STK32B: variants seen among roughly 807,000 people sequenced by gnomAD.
STK32B encodes the protein serine/threonine-protein kinase 32B.
In STK32B, 43 loss-of-function variants were observed where a neutral mutation model predicts 52.6. The observed-to-expected ratio is 0.82, with a 90% confidence interval of 0.64 to 1.05. The LOEUF is 1.05. STK32B is among the 50% of genes least tolerant of loss of function. The probability of loss-of-function intolerance (pLI) is 0.00; values close to 1 mark genes in which losing one functional copy is unlikely to be tolerated. For missense variants in STK32B, 621 were observed against 534.6 expected (o/e 1.16, Z -1.59); for synonymous variants, 238 against 204.3 (o/e 1.17, Z -1.41).
chr4:5,361,322 T>C (rs1416678919), intron 4 of STK32B, among the ~76,000 whole-genome samples: 1 of 152,224 alleles, frequency 6.6e-6, no homozygotes, highest in Non-Finnish European at 1.5e-5. Context: ...TCAGTTCTTC[T>C]GGGTATATAT....
At chr4:5,311,621 G>C (rs1484843573) in intron 3 of STK32B, among the ~76,000 whole-genome samples, 2 of 152,050 alleles carry the variant, frequency 1.3e-5, no homozygotes, top group Non-Finnish European at 2.9e-5. Context: ...AGATTCTGCA[G>C]CCATTAAACA....
chr4:5,444,586 T>C (rs1357405239), intron 6 of STK32B, among the ~76,000 whole-genome samples: 1 of 152,360 alleles, frequency 6.6e-6, no homozygotes. Flanking sequence ...CTGGGAGCTG[T>C]TGACCGGAGC....
rs115357935 is a variant in STK32B, at chr4:5,489,096, C to T, written c.1107-9849C>T. On this transcript the variant is annotated intron_variant, in intron 11 of 11. Transcript: ENST00000282908. ...CGAGAACCAGTTTATAATTTGAAGTCGTAATTGAAAATGACCCAGACATTT... is the reference window on the plus strand; with the variant it reads ...CGAGAACCAGTTTATAATTTGAAGTTGTAATTGAAAATGACCCAGACATTT... Among the ~76,000 whole-genome samples the T allele has an allele frequency of 8.6e-3, 1,311 of 152,128 alleles. 20 individuals carry two copies. The highest frequency in any genetic ancestry group is 0.029 in the African/African-American group (1,224 of 41,510).
At chr4:5,114,214 A>G (rs1466298172) in intron 1 of STK32B, among the ~76,000 whole-genome samples, 1 of 151,570 alleles carries the variant, frequency 6.6e-6, no homozygotes, top group Non-Finnish European at 1.5e-5. Flanking sequence ...TGAACTTGCT[A>G]TTCCTTCTGC....
intron 2 of STK32B, among the ~76,000 whole-genome samples, chr4:5,142,505 A>G (rs6851523): frequency 0.066 from 10,009 of 152,240 alleles, 1,065 homozygotes; most frequent in African/African-American, 0.22. Context: ...TCAGAATCTC[A>G]TTCCTGAGTT....
At chr4:5,236,391 A>G (rs138513292) in intron 3 of STK32B, among the ~76,000 whole-genome samples, 124 of 152,248 alleles carry the variant, frequency 8.1e-4, no homozygotes, top group African/African-American at 2.9e-3. Context: ...TGCACTTATG[A>G]TAAGTGTACG....
chr4:5,272,610 C>A (rs1727519147), intron 3 of STK32B, among the ~76,000 whole-genome samples: 1 of 152,088 alleles, frequency 6.6e-6, no homozygotes, highest in African/African-American at 2.4e-5. Flanking sequence ...GCTACAGTAA[C>A]CAAAACAGCA....
chr4:5,422,234 G>A (rs1712703158), intron 6 of STK32B, among the ~76,000 whole-genome samples: 1 of 152,184 alleles, frequency 6.6e-6, no homozygotes, highest in Admixed American at 6.5e-5. Flanking sequence ...GGAGTTTAGT[G>A]GGGAAGGTGG....
Position 5,380,249 on chromosome 4 carries a change from G to T in STK32B, c.435-17958G>T, listed in dbSNP as rs1377956206. On this transcript the variant is annotated intron_variant, in intron 4 of 11. Transcript: ENST00000282908. This position sits in a 1 kb window ranked among gnomAD's most constrained non-coding sequence, Gnocchi z 4.3. ...ATGGAACTGAACATGCTATGTCAGA[G>T]CAACCCCATCCCCATGGCCACGCAC... Among the ~76,000 whole-genome samples, 1 of 152,072 alleles carries T rather than the reference G, an allele frequency of 6.6e-6. No individual in the cohort carries two copies. Among genetic ancestry groups the T allele is most frequent in the Non-Finnish European group, 1.5e-5 (1 of 68,022 alleles).
At chr4:5,157,002 AG>A (rs770186123) in intron 2 of STK32B, among the ~76,000 whole-genome samples, 16 of 152,254 alleles carry the variant, frequency 1.1e-4, no homozygotes, top group Non-Finnish European at 2.2e-4. Flanking sequence ...GAAAAAAAAA[AG>A]ATTTGATTAA....
chr4:5,168,323 A>G lies in STK32B; in HGVS notation c.133A>G (p.Thr45Ala), dbSNP rs770612287. ...GKVCIVQKRD[T>A]KKMYAMKYMN... Reference sequence around the variant, plus strand: ...GGTATGCATCGTGCAGAAGCGAGACACTAAGAAAATGTATGCAATGAAGTA... The same window carrying G: ...GGTATGCATCGTGCAGAAGCGAGACGCTAAGAAAATGTATGCAATGAAGTA... The change falls in exon 3 of 12, where the codon ACT becomes GCT. Residue 45 changes from threonine to alanine, a missense_variant. Physicochemically the swap from Thr to Ala is moderately conservative, Grantham distance 58. Transcript: ENST00000282908. 10 of 1,613,770 alleles carry G rather than the reference A, an allele frequency of 6.2e-6. No homozygotes were observed. The Admixed American group carries it at 1.3e-4, about 22-fold the overall frequency.
At chr4:5,317,045 A>G (rs1166149468) in intron 3 of STK32B, among the ~76,000 whole-genome samples, 2 of 45,620 alleles carry the variant, frequency 4.4e-5, no homozygotes, top group Non-Finnish European at 3.1e-5. Flanking sequence ...AATATATTAT[A>G]TATATAATAT....
chr4:5,394,155 A>G lies in STK32B; in HGVS notation c.435-4052A>G, dbSNP rs1000298141. Among the ~76,000 whole-genome samples, 3 of 152,158 alleles carry G rather than the reference A, an allele frequency of 2.0e-5. No individual in the cohort carries two copies. The highest frequency in any genetic ancestry group is 7.2e-5 in the African/African-American group (3 of 41,456). On this transcript the variant is annotated intron_variant, in intron 4 of 11. Transcript: ENST00000282908. This position sits in a 1 kb window ranked among gnomAD's most constrained non-coding sequence, Gnocchi z 4.2. ...CCATTTCTATGCTGTTTTTTAAAAT[A>G]TCCCAGCTGACATTTTATGCTTTGT... is the stretch of plus-strand genomic sequence containing the variant.
intron 1 of STK32B, among the ~76,000 whole-genome samples, chr4:5,068,748 A>C (rs1248476460): frequency 6.6e-6 from 1 of 152,168 alleles, no homozygotes; most frequent in Non-Finnish European, 1.5e-5. Flanking sequence ...TTGCAAGGAA[A>C]CTTTATATTT....
chr4:5,229,051 A>G (rs1724064943), intron 3 of STK32B, among the ~76,000 whole-genome samples: 1 of 152,182 alleles, frequency 6.6e-6, no homozygotes, highest in Non-Finnish European at 1.5e-5. Flanking sequence ...CAATATATAT[A>G]CCTTAATTAA....
chr4:5,188,849 A>ACT (rs1175033083), intron 3 of STK32B, among the ~76,000 whole-genome samples: 1 of 126,864 alleles, frequency 7.9e-6, no homozygotes, highest in Non-Finnish European at 1.6e-5. Context: ...AACATCACAC[A>ACT]CTGGGGCCTG....
chr4:5,449,203 C>T (rs1715751652), intron 7 of STK32B, among the ~76,000 whole-genome samples: 3 of 152,118 alleles, frequency 2.0e-5, no homozygotes, highest in Non-Finnish European at 2.9e-5. Context: ...ATTATCCTGG[C>T]ATGGTGGCGG....
chr4:5,138,822 G>A (rs1398435035), intron 1 of STK32B, among the ~76,000 whole-genome samples: 1 of 152,198 alleles, frequency 6.6e-6, no homozygotes, highest in Non-Finnish European at 1.5e-5. Flanking sequence ...AGGGCAAGGA[G>A]GAGAGCACTC....
chr4:5,465,482 T>C (rs1386898638), intron 9 of STK32B, among the ~76,000 whole-genome samples: 2 of 152,074 alleles, frequency 1.3e-5, no homozygotes, highest in African/African-American at 2.4e-5. Flanking sequence ...CAGCTTTAGG[T>C]AGCAAGACCC....
Sources: allele counts gnomAD v4.1 joint callset (sites outside exome capture counted in the v4.1 genomes callset), GRCh38; gene constraint gnomAD v4.1.1; non-coding constraint Gnocchi (gnomAD v3.1); transcripts MANE v1.5; gene names NCBI Gene and HGNC (gene_info 2026-07-23, HGNC 2026-07-21).